The following YIPF1 variants were observed in gnomAD, a reference collection of about 807,000 sequenced individuals.
The protein encoded by YIPF1 is protein YIPF1.
Under a neutral mutation model 37.0 loss-of-function variants are expected in YIPF1, and 22 were observed. The observed-to-expected ratio is 0.59, with a 90% CI of 0.42 to 0.85. The LOEUF is 0.85. Ranked by LOEUF, YIPF1 falls within the 40% of genes least tolerant of loss-of-function variation. The pLI is 0.00. For missense variants in YIPF1, 355 were observed against 373.1 expected (o/e 0.95, Z 0.40); for synonymous variants, 128 against 131.9 (o/e 0.97, Z 0.21).
At chr1:53,883,332 A>G in intron 3 of YIPF1, 56 bp from the exon 4 acceptor site, 1 of 1,448,226 alleles carries the variant, frequency 6.9e-7, no homozygotes, top group Non-Finnish European at 9.1e-7. Context: ...TAGAAATGCT[A>G]TACTTTGAAT....
chr1:53,866,714 AACAGAGCATC>A, intron 8 of YIPF1, 34 bp downstream of exon 8: 1 of 1,574,020 alleles, frequency 6.4e-7, no homozygotes, highest in South Asian at 1.2e-5. Flanking sequence ...TTCTACCAAG[AACAGAGCATC>A]ACTCAGAATC....
chr1:53,870,337 C>G (rs959040240), intron 7 of YIPF1, among the ~76,000 whole-genome samples: 5 of 150,860 alleles, frequency 3.3e-5, no homozygotes, highest in African/African-American at 1.2e-4. Context: ...TACCCGGTAA[C>G]TTTTTTTTAG....
intron 7 of YIPF1, among the ~76,000 whole-genome samples, chr1:53,870,161 T>G (rs1300117722): frequency 4.2e-5 from 1 of 23,952 alleles, no homozygotes; most frequent in East Asian, 2.4e-3. Context: ...ACCGGGTCTC[T>G]TTTTTTTTTT....
chr1:53,869,160 T>TCTCTCTCA (rs911930860), intron 7 of YIPF1, among the ~76,000 whole-genome samples: 38 of 138,046 alleles, frequency 2.8e-4, no homozygotes, highest in African/African-American at 9.0e-4. Flanking sequence ...TCTCTCTCTC[T>TCTCTCTCA]CACACACACA....
intron 9 of YIPF1, among the ~76,000 whole-genome samples, chr1:53,861,419 G>A (rs1041174490): frequency 1.1e-4 from 16 of 152,062 alleles, no homozygotes; most frequent in African/African-American, 3.9e-4. Flanking sequence ...GACAGAATGA[G>A]CAAAGAGGCC....
intron 6 of YIPF1, among the ~76,000 whole-genome samples, chr1:53,875,017 G>A (rs1398924945): frequency 6.6e-6 from 1 of 151,974 alleles, no homozygotes; most frequent in African/African-American, 2.4e-5. Context: ...TCTTCTATAT[G>A]TTGTTCCATA....
chr1:53,879,866 G>A (rs1014055393), intron 4 of YIPF1, among the ~76,000 whole-genome samples: 5 of 152,118 alleles, frequency 3.3e-5, no homozygotes, highest in Non-Finnish European at 5.9e-5. Context: ...CAAGTAGCTC[G>A]ACCCACGGAG....
At chr1:53,858,258 G>T (rs908937725) in intron 10 of YIPF1, among the ~76,000 whole-genome samples, 1 of 152,140 alleles carries the variant, frequency 6.6e-6, no homozygotes, top group Admixed American at 6.5e-5. Context: ...ACTGGCCAGG[G>T]TGACTGTCTT....
intron 3 of YIPF1, among the ~76,000 whole-genome samples, chr1:53,883,893 G>A (rs939152143): frequency 2.0e-5 from 3 of 151,980 alleles, no homozygotes; most frequent in Non-Finnish European, 2.9e-5. Context: ...AAAATTAGCC[G>A]GGTGTAGTGG....
At chr1:53,876,755 G>T (rs1427505279) in intron 6 of YIPF1, among the ~76,000 whole-genome samples, 1 of 152,142 alleles carries the variant, frequency 6.6e-6, no homozygotes, top group African/African-American at 2.4e-5. Context: ...TCTCCCTCAT[G>T]AAGTTGGATC....
chr1:53,865,023 GACT>G (rs1348729537), intron 9 of YIPF1, among the ~76,000 whole-genome samples: 1 of 152,240 alleles, frequency 6.6e-6, no homozygotes, highest in East Asian at 1.9e-4. Flanking sequence ...GGGCTTATCT[GACT>G]CAAAAGCACA....
chr1:53,871,867 G>A (rs1650200248), intron 6 of YIPF1, among the ~76,000 whole-genome samples: 1 of 151,996 alleles, frequency 6.6e-6, no homozygotes, highest in Non-Finnish European at 1.5e-5. Context: ...GCTTATCTAA[G>A]TGCCAAATGT....
intron 6 of YIPF1, among the ~76,000 whole-genome samples, chr1:53,872,121 T>G (rs1650208614): frequency 6.6e-6 from 1 of 150,764 alleles, no homozygotes; most frequent in Non-Finnish European, 1.5e-5. Context: ...AAATTAAAAA[T>G]TAAAAAAAGT....
At chr1:53,865,392 A>C (rs886184001) in intron 9 of YIPF1, among the ~76,000 whole-genome samples, 6 of 152,206 alleles carry the variant, frequency 3.9e-5, no homozygotes, top group Non-Finnish European at 8.8e-5. Context: ...TAAGTTAAAA[A>C]CACCAATATG....
chr1:53,888,870 G>A (rs750138615), intron 3 of YIPF1, 37 bp downstream of exon 3: 1 of 1,548,076 alleles, frequency 6.5e-7, no homozygotes, highest in African/African-American at 1.4e-5. Context: ...TAGCAACAGT[G>A]ATCATAAATA....
At chr1:53,881,568 C>T (rs575375044) in intron 4 of YIPF1, among the ~76,000 whole-genome samples, 80 of 152,228 alleles carry the variant, frequency 5.3e-4, no homozygotes, top group Middle Eastern at 3.4e-3. Flanking sequence ...CATGAACAGA[C>T]ACTTCTCAAA....
At chr1:53,858,628 CT>C (rs1242359103) in intron 10 of YIPF1, among the ~76,000 whole-genome samples, 3 of 152,040 alleles carry the variant, frequency 2.0e-5, no homozygotes, top group African/African-American at 7.2e-5. Context: ...CATGGTAGGG[CT>C]GGGATTTATC....
chr1:53,882,279 A>G (rs1650521207), intron 4 of YIPF1, among the ~76,000 whole-genome samples: 1 of 152,198 alleles, frequency 6.6e-6, no homozygotes. Context: ...ATGTTTACCT[A>G]TGTAACAAAC....
chr1:53,871,616 A>G, intron 6 of YIPF1, 128 bp from the exon 7 acceptor site: 2 of 766,430 alleles, frequency 2.6e-6, no homozygotes, highest in Non-Finnish European at 2.1e-6. Context: ...GATGGGATCA[A>G]CACTTGCTGA....
Sources: allele counts gnomAD v4.1 joint callset (sites outside exome capture counted in the v4.1 genomes callset), GRCh38; gene constraint gnomAD v4.1.1; transcripts MANE v1.5; gene names NCBI Gene and HGNC (gene_info 2026-07-23, HGNC 2026-07-21).